Variants in GRIP1 observed in about 807,000 individuals in gnomAD.
The protein encoded by GRIP1 is glutamate receptor interacting protein 1, also known as glutamate receptor-interacting protein 1.
GRIP1 carries 45 observed loss-of-function variants against 129.9 expected under a neutral mutation model. The ratio of observed to expected loss-of-function variants is 0.35; its 90% CI spans 0.27 to 0.44. The LOEUF is 0.44. Ranked by LOEUF, GRIP1 falls within the 20% of genes least tolerant of loss-of-function variation. GRIP1 has a pLI of 1.00. For missense variants in GRIP1, 1,196 were observed against 1,396.8 expected (o/e 0.86, Z 2.29); for synonymous variants, 530 against 520.8 (o/e 1.02, Z -0.24).
At chr12:66,457,047 C>T (rs986061272) in intron 9 of GRIP1, among the ~76,000 whole-genome samples, 2 of 151,794 alleles carry the variant, frequency 1.3e-5, no homozygotes, top group Non-Finnish European at 2.9e-5. Context: ...TTCCTTGATG[C>T]CATAAAATTT....
intron 2 of GRIP1, among the ~76,000 whole-genome samples, chr12:66,565,262 A>C (rs1178152956): frequency 6.6e-6 from 1 of 152,198 alleles, no homozygotes; most frequent in African/African-American, 2.4e-5. Context: ...TTTAGGTCTA[A>C]CATTTAAGTC....
intron 1 of GRIP1, among the ~76,000 whole-genome samples, chr12:66,615,407 T>G (rs61926093): frequency 0.041 from 6,257 of 151,924 alleles, 198 homozygotes; most frequent in East Asian, 0.11. Context: ...AGAGGTGGAG[T>G]CAGGCTGACC....
At chr12:66,594,143 A>G (rs1441506593) in intron 2 of GRIP1, among the ~76,000 whole-genome samples, 1 of 151,676 alleles carries the variant, frequency 6.6e-6, no homozygotes, top group Non-Finnish European at 1.5e-5. Context: ...GGACAGGTCA[A>G]TGGCCCTGGA....
chr12:66,986,663 C>T (rs2042316437), intron 1 of GRIP1, among the ~76,000 whole-genome samples: 2 of 122,164 alleles, frequency 1.6e-5, no homozygotes, highest in South Asian at 2.8e-4. Context: ...GAACATCACA[C>T]TCTGGGGACT....
intron 1 of GRIP1, among the ~76,000 whole-genome samples, chr12:66,706,126 GA>G (rs1474660265): frequency 6.6e-6 from 1 of 152,150 alleles, no homozygotes; most frequent in Non-Finnish European, 1.5e-5. Flanking sequence ...GCAACCTACA[GA>G]ATGGGAGAAA....
chr12:66,420,685 G>A lies in GRIP1; in HGVS notation c.1838+35C>T, dbSNP rs766885295. On this transcript the variant is annotated intron_variant, in intron 15 of 24. Transcript: ENST00000359742. ...GTCATGTTTACTTAAATTAAGAGAGGCCTTAAAATGAATCAGAAAATCCAT... is the reference window on the plus strand; with the variant it reads ...GTCATGTTTACTTAAATTAAGAGAGACCTTAAAATGAATCAGAAAATCCAT... 55 of 1,097,940 alleles carry A rather than the reference G, an allele frequency of 5.0e-5. 1 individual carries two copies. Among genetic ancestry groups the A allele is most frequent in the South Asian group, 3.3e-4 (27 of 80,936 alleles). 68.0% of individuals were successfully genotyped at this position (1,097,940 alleles called of 1,614,324 possible).
intron 2 of GRIP1, among the ~76,000 whole-genome samples, chr12:66,552,289 T>C (rs1187831666): frequency 6.6e-6 from 1 of 152,198 alleles, no homozygotes; most frequent in African/African-American, 2.4e-5. Flanking sequence ...ACTTGGCCTT[T>C]TTCTTCCATG....
chr12:66,966,027 T>C (rs2137552676), intron 1 of GRIP1, among the ~76,000 whole-genome samples: 1 of 152,304 alleles, frequency 6.6e-6, no homozygotes, highest in East Asian at 1.9e-4. Context: ...TATTTTGTCC[T>C]TAAATAGCAG....
At chr12:66,463,334 T>TA (rs35657454) in intron 8 of GRIP1, among the ~76,000 whole-genome samples, 44 of 150,974 alleles carry the variant, frequency 2.9e-4, no homozygotes, top group Middle Eastern at 3.4e-3. Flanking sequence ...TGTCTTTCTT[T>TA]AAAAAAAAAA....
intron 2 of GRIP1, among the ~76,000 whole-genome samples, chr12:66,589,317 G>A (rs544703959): frequency 2.6e-5 from 4 of 151,524 alleles, no homozygotes; most frequent in East Asian, 3.9e-4. Context: ...AAGCTTTGGC[G>A]TAATATTGTT....
intron 1 of GRIP1, among the ~76,000 whole-genome samples, chr12:66,713,780 C>T (rs995693120): frequency 2.0e-5 from 3 of 152,040 alleles, no homozygotes; most frequent in African/African-American, 4.8e-5. Context: ...ACATCTGCTT[C>T]CCTTACTGGC....
chr12:66,682,836 A>T (rs1250743668), upstream of GRIP1, among the ~76,000 whole-genome samples: 1 of 152,240 alleles, frequency 6.6e-6, no homozygotes, highest in Non-Finnish European at 1.5e-5. Context: ...CAATTTGATT[A>T]AAGTGCTAAA....
chr12:66,585,236 A>G (rs928681699), intron 2 of GRIP1, among the ~76,000 whole-genome samples: 11 of 131,432 alleles, frequency 8.4e-5, no homozygotes, highest in Admixed American at 3.1e-4. Context: ...ATATCTCCCA[A>G]TGCTATCCCT....
chr12:67,023,773 A>T (rs1056664136), intron 1 of GRIP1, among the ~76,000 whole-genome samples: 1 of 152,034 alleles, frequency 6.6e-6, no homozygotes, highest in Admixed American at 6.6e-5. Context: ...GGCAGATTCC[A>T]ATGCCCCAGG....
intron 7 of GRIP1, among the ~76,000 whole-genome samples, chr12:66,481,915 A>G (rs10878437): frequency 0.74 from 110,484 of 150,054 alleles, 40,769 homozygotes; most frequent in African/African-American, 0.78. Flanking sequence ...ACATGGACAC[A>G]GGGAGGGGAA....
At chr12:67,056,257 T>G (rs532734190) in intron 1 of GRIP1, among the ~76,000 whole-genome samples, 4 of 152,228 alleles carry the variant, frequency 2.6e-5, no homozygotes, top group African/African-American at 9.6e-5. Flanking sequence ...ATCTAGCATC[T>G]ATTGCATGAT....
chr12:66,472,071 C>G (rs2059454408), intron 7 of GRIP1, among the ~76,000 whole-genome samples: 1 of 152,188 alleles, frequency 6.6e-6, no homozygotes, highest in Non-Finnish European at 1.5e-5. Context: ...GATCCATATG[C>G]TTTGGGCATC....
At chr12:66,897,570 T>C (rs1295205226) in intron 1 of GRIP1, among the ~76,000 whole-genome samples, 1 of 152,120 alleles carries the variant, frequency 6.6e-6, no homozygotes, top group Non-Finnish European at 1.5e-5. Context: ...TACAAATGCA[T>C]GGGAGGCAGT....
intron 2 of GRIP1, among the ~76,000 whole-genome samples, chr12:66,570,086 G>A (rs1324676142): frequency 1.4e-5 from 2 of 146,804 alleles, no homozygotes; most frequent in African/African-American, 5.1e-5. Context: ...TATGTTGGGG[G>A]GTAGTTTGTA....
Sources: allele counts gnomAD v4.1 joint callset (sites outside exome capture counted in the v4.1 genomes callset), GRCh38; gene constraint gnomAD v4.1.1; transcripts MANE v1.5; gene names NCBI Gene and HGNC (gene_info 2026-07-23, HGNC 2026-07-21).